Variants in CACNA2D1 observed in about 807,000 individuals in gnomAD.
CACNA2D1 encodes calcium voltage-gated channel auxiliary subunit alpha2delta 1.
In CACNA2D1, 53 loss-of-function variants were observed where a neutral mutation model predicts 171.5. That is an observed-to-expected ratio of 0.31 (90% confidence interval 0.25 to 0.39). The LOEUF (loss-of-function observed/expected upper bound fraction) is 0.39, where lower values mean the gene tolerates loss of function less well. Among genes scored for constraint, CACNA2D1 ranks in the 10% least tolerant of loss-of-function variants. The pLI is 1.00. For missense variants in CACNA2D1, 903 were observed against 1,299.8 expected, an observed-to-expected ratio of 0.69 and a Z score of 4.69; for synonymous variants, 442 against 443.1, an observed-to-expected ratio of 1.00 and a Z score of 0.03.
chr7:82,127,870 C>T (rs1584847191), intron 5 of CACNA2D1, among the ~76,000 whole-genome samples: 1 of 152,064 alleles, frequency 6.6e-6, no homozygotes, highest in South Asian at 2.1e-4. Flanking sequence ...ATGAGAATCA[C>T]GGCTCATCCA....
intron 4 of CACNA2D1, among the ~76,000 whole-genome samples, chr7:82,144,963 G>C (rs1028424077): frequency 6.6e-6 from 1 of 151,700 alleles, no homozygotes; most frequent in African/African-American, 2.4e-5. Context: ...TCTTTCATAC[G>C]AATAAATAAG....
At position 81,981,963 on chromosome 7, in the gene CACNA2D1, T is replaced by C. The variant is rs564792274; in HGVS notation, c.1955+604A>G. 5.3e-5 allele frequency among the ~76,000 whole-genome samples: 8 copies of C among 152,340 alleles called. No individual in the cohort carries two copies. The East Asian group carries it at 1.5e-3, about 29-fold the overall frequency. ...CCCTACGTGTATAGATACACATAAA[T>C]ATTGGTACATATATGTGTATATATG... is the stretch of plus-strand genomic sequence containing the variant. On this transcript the variant is annotated intron_variant, in intron 24 of 38. Coordinates refer to ENST00000356860, the MANE Select transcript of CACNA2D1 (RefSeq NM_000722.4).
intron 5 of CACNA2D1, among the ~76,000 whole-genome samples, chr7:82,119,367 G>A (rs1384543657): frequency 2.0e-5 from 3 of 152,178 alleles, no homozygotes; most frequent in African/African-American, 7.2e-5. Flanking sequence ...TATAATTTCA[G>A]CTATTAAATA....
chr7:82,323,454 C>T (rs1816249600), intron 3 of CACNA2D1, among the ~76,000 whole-genome samples: 1 of 152,146 alleles, frequency 6.6e-6, no homozygotes, highest in Admixed American at 6.5e-5. Flanking sequence ...AGCTCTACCA[C>T]TAACGACCTA....
intron 22 of CACNA2D1, among the ~76,000 whole-genome samples, 167 bp from the exon 23 acceptor site, chr7:81,983,501 T>A (rs899080556): frequency 6.6e-6 from 1 of 152,108 alleles, no homozygotes; most frequent in Non-Finnish European, 1.5e-5. Context: ...AAAAAAGACA[T>A]ATTTTGAAGA....
intron 1 of CACNA2D1, among the ~76,000 whole-genome samples, chr7:82,406,347 A>G (rs565391803): frequency 2.0e-5 from 3 of 152,350 alleles, no homozygotes; most frequent in South Asian, 2.1e-4. Context: ...GTGCCACAAT[A>G]AACATACATG....
chr7:82,340,812 A>G (rs1474861101), intron 2 of CACNA2D1, among the ~76,000 whole-genome samples: 1 of 152,208 alleles, frequency 6.6e-6, no homozygotes, highest in African/African-American at 2.4e-5. Flanking sequence ...GTATAAAACT[A>G]GACAAACTGG....
chr7:82,060,191 T>TATATATATA (rs1806572551), intron 10 of CACNA2D1, among the ~76,000 whole-genome samples: 2 of 12,964 alleles, frequency 1.5e-4, no homozygotes, highest in African/African-American at 4.6e-4. Context: ...ATATATATAT[T>TATATATATA]ATATATATAT....
intron 3 of CACNA2D1, among the ~76,000 whole-genome samples, chr7:82,211,408 G>T (rs554939629): frequency 1.3e-5 from 2 of 152,070 alleles, no homozygotes; most frequent in East Asian, 3.9e-4. Context: ...CCCGCTTTGT[G>T]TCCATGTGTA....
chr7:82,018,446 C>A (rs1286603595), intron 12 of CACNA2D1, among the ~76,000 whole-genome samples: 2 of 152,134 alleles, frequency 1.3e-5, no homozygotes, highest in Non-Finnish European at 2.9e-5. Flanking sequence ...TAGTGTCTTG[C>A]ATTTTGCAAT....
At chr7:82,424,828 T>C (rs902420808) in intron 1 of CACNA2D1, among the ~76,000 whole-genome samples, 10 of 152,158 alleles carry the variant, frequency 6.6e-5, no homozygotes, top group African/African-American at 2.4e-4. Context: ...GGCAAAAGAG[T>C]GATGGGTCAT....
chr7:81,979,910 G>A (rs1011546256), intron 24 of CACNA2D1, among the ~76,000 whole-genome samples: 1 of 151,864 alleles, frequency 6.6e-6, no homozygotes, highest in Non-Finnish European at 1.5e-5. Flanking sequence ...ATTGGGTATT[G>A]AATGTTAAGT....
chr7:82,350,191 T>A (rs2129445964), intron 1 of CACNA2D1, among the ~76,000 whole-genome samples: 1 of 152,334 alleles, frequency 6.6e-6, no homozygotes, highest in South Asian at 2.1e-4. Flanking sequence ...ATACATACTT[T>A]CCCATGACGT....
At chr7:82,239,438 C>T (rs1423149593) in intron 3 of CACNA2D1, among the ~76,000 whole-genome samples, 3 of 152,062 alleles carry the variant, frequency 2.0e-5, no homozygotes, top group South Asian at 2.1e-4. Context: ...AAAATCCCAC[C>T]GCTATAGTAA....
chr7:82,269,584 C>T (rs546063297), intron 3 of CACNA2D1, among the ~76,000 whole-genome samples: 1 of 152,158 alleles, frequency 6.6e-6, no homozygotes, highest in Non-Finnish European at 1.5e-5. Flanking sequence ...TGTGCATCTA[C>T]AAGAATTACT....
chr7:82,333,773 GA>G (rs1353171662), intron 3 of CACNA2D1, among the ~76,000 whole-genome samples: 1 of 151,398 alleles, frequency 6.6e-6, no homozygotes, highest in African/African-American at 2.4e-5. Context: ...AAATTCCTTG[GA>G]AAAAATAATT....
chr7:82,170,600 A>G lies in CACNA2D1; in HGVS notation c.304T>C (p.Leu102=), dbSNP rs746896495. The change falls in exon 4 of 39, where the codon TTG becomes CTG. Residue 102 remains leucine (L), a synonymous_variant. Transcript: ENST00000356860. ...GCTGCTTGAACTTTCTCCGCTTCCA[A>G]TGCCAGGCGCTGAAAAACAAACAAT... ...NRSKALVRLA[L]EAEKVQAAHQ... 1.3e-5 allele frequency: 21 copies of G among 1,612,430 alleles called. No individual in the cohort carries two copies.
chr7:82,200,758 G>T (rs1239812298), intron 3 of CACNA2D1, among the ~76,000 whole-genome samples: 1 of 152,158 alleles, frequency 6.6e-6, no homozygotes, highest in Non-Finnish European at 1.5e-5. Context: ...CACCAAATAT[G>T]CAAAAAGCAC....
At position 82,144,580 on chromosome 7, in the gene CACNA2D1, TA is replaced by T. The variant is rs369357461; in HGVS notation, c.355-7905del. Among the ~76,000 whole-genome samples the T allele has an allele frequency of 1.6e-3, 236 of 151,884 alleles. 1 individual carries two copies. Among genetic ancestry groups the T allele is most frequent in the African/African-American group, 5.3e-3 (221 of 41,490 alleles). On this transcript the variant is annotated intron_variant, in intron 4 of 38. Transcript: ENST00000356860. ...AAAATTTAAAATTCTAGCAGAAGGTTAAAAAAAACATCAAAGAAGCCAAGTT... is the reference window on the plus strand; with the variant it reads ...AAAATTTAAAATTCTAGCAGAAGGTTAAAAAAACATCAAAGAAGCCAAGTT...
Sources: allele counts gnomAD v4.1 joint callset (sites outside exome capture counted in the v4.1 genomes callset), GRCh38; gene constraint gnomAD v4.1.1; transcripts MANE v1.5; gene names NCBI Gene and HGNC (gene_info 2026-07-23, HGNC 2026-07-21).